YIPF1: variants seen among roughly 807,000 people sequenced by gnomAD.
YIPF1 encodes the protein protein YIPF1.
Under a neutral mutation model 37.0 loss-of-function variants are expected in YIPF1, and 22 were observed. The ratio of observed to expected loss-of-function variants is 0.59; its 90% confidence interval spans 0.42 to 0.85. The LOEUF (loss-of-function observed/expected upper bound fraction) is 0.85, where lower values mean the gene tolerates loss of function less well. Among genes scored for constraint, YIPF1 ranks in the 40% least tolerant of loss-of-function variants. The pLI is 0.00. For missense variants in YIPF1, 355 were observed against 373.1 expected (o/e 0.95, Z 0.40); for synonymous variants, 128 against 131.9 (o/e 0.97, Z 0.21).
At chr1:53,870,011 C>T (rs183395672) in intron 7 of YIPF1, among the ~76,000 whole-genome samples, 1 of 151,602 alleles carries the variant, frequency 6.6e-6, no homozygotes, top group Admixed American at 6.6e-5. Flanking sequence ...TACAGGCATG[C>T]GCCACCATGC....
intron 2 of YIPF1, 127 bp from the exon 3 acceptor site, chr1:53,889,113 T>C (rs772979656): frequency 2.8e-5 from 14 of 503,874 alleles, no homozygotes; most frequent in Non-Finnish European, 4.3e-5. Context: ...TAGGTTTATA[T>C]AAAGATAACC....
chr1:53,853,922 A>C (rs1283099794), intron 10 of YIPF1, among the ~76,000 whole-genome samples: 1 of 152,184 alleles, frequency 6.6e-6, no homozygotes, highest in African/African-American at 2.4e-5. Context: ...TTCCAAATCA[A>C]TGTCAAGACT....
In YIPF1 at chr1:53,863,422, T is replaced by C. The variant is rs146719785; in HGVS notation, c.831+2778A>G. On this transcript the variant is annotated intron_variant, in intron 9 of 10. Coordinates refer to ENST00000072644, the MANE Select transcript of YIPF1 (RefSeq NM_018982.5). ...GACGACACAGGCTCCTTTAATGACT[T>C]TGCATCTGAGGAACACTTCACAGTA... 5.4e-4 allele frequency among the ~76,000 whole-genome samples: 82 copies of C among 152,304 alleles called. No individual in the cohort carries two copies. The East Asian group carries it at 0.015, about 28-fold the overall frequency.
intron 4 of YIPF1, among the ~76,000 whole-genome samples, chr1:53,879,415 C>G (rs1650426210): frequency 6.6e-6 from 1 of 152,048 alleles, no homozygotes; most frequent in Non-Finnish European, 1.5e-5. Context: ...TCTTCCTCCC[C>G]CATCCATCCA....
intron 3 of YIPF1, among the ~76,000 whole-genome samples, chr1:53,885,530 G>C (rs1650622861): frequency 6.6e-6 from 1 of 152,000 alleles, no homozygotes; most frequent in Non-Finnish European, 1.5e-5. Flanking sequence ...GAAAAGTAAA[G>C]TATAACTGGG....
chr1:53,879,156 G>T (rs1157359851), intron 4 of YIPF1, among the ~76,000 whole-genome samples: 1 of 151,234 alleles, frequency 6.6e-6, no homozygotes, highest in Non-Finnish European at 1.5e-5. Context: ...GTGCAGTAGT[G>T]CAATCATAGC....
At chr1:53,861,119 A>C (rs1557602127) in intron 9 of YIPF1, among the ~76,000 whole-genome samples, 1 of 152,164 alleles carries the variant, frequency 6.6e-6, no homozygotes, top group East Asian at 1.9e-4. Flanking sequence ...TTGCTATTCC[A>C]TGTTAACTCT....
At chr1:53,872,375 T>G (rs899113606) in intron 6 of YIPF1, among the ~76,000 whole-genome samples, 9 of 152,192 alleles carry the variant, frequency 5.9e-5, no homozygotes, top group African/African-American at 1.4e-4. Flanking sequence ...CCTTCTATTT[T>G]CACCTTAATA....
intron 2 of YIPF1, 88 bp from the exon 3 acceptor site, chr1:53,889,074 C>T: frequency 1.6e-6 from 1 of 637,400 alleles, no homozygotes; most frequent in Non-Finnish European, 2.8e-6. Context: ...GTATCACTTT[C>T]CCTTGCCTCC....
chr1:53,874,271 C>A (rs1245970110), intron 6 of YIPF1, among the ~76,000 whole-genome samples: 1 of 152,166 alleles, frequency 6.6e-6, no homozygotes, highest in Non-Finnish European at 1.5e-5. Context: ...CCAGGACCTG[C>A]CATGTTGCTT....
intron 7 of YIPF1, among the ~76,000 whole-genome samples, chr1:53,868,168 T>C (rs566440034): frequency 6.6e-6 from 1 of 152,256 alleles, no homozygotes; most frequent in East Asian, 1.9e-4. Flanking sequence ...GTAATTCTGC[T>C]GATGTACTGC....
At chr1:53,866,989 C>T in intron 7 of YIPF1, 65 bp from the exon 8 acceptor site, 1 of 1,529,420 alleles carries the variant, frequency 6.5e-7, no homozygotes, top group Non-Finnish European at 8.8e-7. Flanking sequence ...AGAGCACTTC[C>T]AACACCTTAT....
chr1:53,873,792 A>G (rs911260256), intron 6 of YIPF1, among the ~76,000 whole-genome samples: 1 of 152,080 alleles, frequency 6.6e-6, no homozygotes, highest in Non-Finnish European at 1.5e-5. Context: ...TCAGGAGTTC[A>G]AGACCAGCCT....
chr1:53,881,046 T>C (rs1232118163), intron 4 of YIPF1, among the ~76,000 whole-genome samples: 2 of 151,854 alleles, frequency 1.3e-5, no homozygotes, highest in South Asian at 4.2e-4. Context: ...GGGTGGATCA[T>C]GAGGTAAGGA....
chr1:53,863,948 C>T (rs978654279), intron 9 of YIPF1, among the ~76,000 whole-genome samples: 4 of 152,072 alleles, frequency 2.6e-5, no homozygotes, highest in Non-Finnish European at 5.9e-5. Context: ...AACCATGTTG[C>T]CCAGGCTGAT....
rs151142443 is a variant in YIPF1, at chr1:53,885,069, A to C, written c.32-1793T>G. 4.1e-4 allele frequency among the ~76,000 whole-genome samples: 62 copies of C among 152,336 alleles called. 1 individual carries two copies. The highest frequency in any genetic ancestry group is 1.5e-3 in the African/African-American group (61 of 41,572). ...CTGGAGTGAGATGGTCCTTTGTTCA[A>C]GGTAAGACTCTTAATACTCAGTAGC... On this transcript the variant is annotated intron_variant, in intron 3 of 10. Transcript: ENST00000072644.
chr1:53,866,960 A>AAAG (rs980131510), intron 7 of YIPF1, 36 bp from the exon 8 acceptor site: 8 of 1,587,748 alleles, frequency 5.0e-6, no homozygotes, highest in South Asian at 3.5e-5. Flanking sequence ...AATCTCCATC[A>AAAG]TGCCTTTAGT....
Position 53,880,632 on chromosome 1 carries a change from G to A in YIPF1, c.196-1910C>T, listed in dbSNP as rs888997497. Among the ~76,000 whole-genome samples, 10 of 152,218 alleles carry A rather than the reference G, an allele frequency of 6.6e-5. No homozygotes were observed. In the East Asian group the frequency reaches 1.7e-3, roughly 26 times the overall value. ...AATCCTAAGCAAAAAGAACAAAGCT[G>A]GAGGCATCATGCTACCTGACTTCAA... On this transcript the variant is annotated intron_variant, in intron 4 of 10. Coordinates refer to ENST00000072644, the MANE Select transcript of YIPF1 (RefSeq NM_018982.5).
In YIPF1 at chr1:53,883,097, A is replaced by G. The variant is rs752252682; in HGVS notation, c.195+16T>C. On this transcript the variant is annotated intron_variant, in intron 4 of 10. Coordinates refer to ENST00000072644, the MANE Select transcript of YIPF1 (RefSeq NM_018982.5). ...TTAAAAATTGTTTAAAAAATATCTC[A>G]AAGACAAGTTCAAACCTCAGTTTTG... 6.4e-7 allele frequency: 1 copy of G among 1,554,760 alleles called. No individual in the cohort carries two copies. The highest frequency in any genetic ancestry group is 2.1e-5 in the Admixed American group (1 of 47,308).
Sources: allele counts gnomAD v4.1 joint callset (sites outside exome capture counted in the v4.1 genomes callset), GRCh38; gene constraint gnomAD v4.1.1; transcripts MANE v1.5; gene names NCBI Gene and HGNC (gene_info 2026-07-23, HGNC 2026-07-21).